Variants in GALNTL6 observed in about 807,000 individuals in gnomAD.
GALNTL6 encodes polypeptide N-acetylgalactosaminyltransferase like 6.
GALNTL6 carries 46 observed loss-of-function variants against 73.7 expected under a neutral mutation model. That is an observed-to-expected ratio of 0.62 (90% CI 0.49 to 0.80). GALNTL6 has a LOEUF of 0.80. Among genes scored for constraint, GALNTL6 ranks in the 30% least tolerant of loss-of-function variants. The pLI, the probability that GALNTL6 is intolerant of heterozygous loss-of-function variation, is 0.00. For missense variants in GALNTL6, 604 were observed against 755.0 expected (o/e 0.80, Z 2.34); for synonymous variants, 259 against 263.7 (o/e 0.98, Z 0.17).
chr4:171,925,987 A>G (rs925878029), intron 2 of GALNTL6, among the ~76,000 whole-genome samples: 12 of 146,014 alleles, frequency 8.2e-5, no homozygotes, highest in African/African-American at 2.9e-4. Flanking sequence ...ATTATGAGGC[A>G]TCTGAAATTT....
chr4:172,604,057 T>C (rs1738168303), intron 5 of GALNTL6, among the ~76,000 whole-genome samples: 1 of 152,200 alleles, frequency 6.6e-6, no homozygotes, highest in African/African-American at 2.4e-5. Flanking sequence ...AGCAAAACTC[T>C]TGCCCTGCTG....
chr4:172,127,465 G>C (rs1733335263), intron 2 of GALNTL6, among the ~76,000 whole-genome samples: 1 of 152,224 alleles, frequency 6.6e-6, no homozygotes, highest in African/African-American at 2.4e-5. Context: ...CACCAGCACA[G>C]ACCACTTGGG....
rs140896065 is a variant in GALNTL6 at position 172,205,308 on chromosome 4, G to A, written c.139-24348G>A. ...GAAAAATTCCATAATAGCAAATTTA[G>A]TATAGAAAAGTCTCCAAATGAAAGC... On this transcript the variant is annotated intron_variant, in intron 2 of 12. Transcript: ENST00000506823. Among the ~76,000 whole-genome samples the A allele has an allele frequency of 4.5e-4, 69 of 152,296 alleles. No homozygotes were observed. The East Asian group carries it at 0.011, about 25-fold the overall frequency.
At chr4:171,981,781 G>A (rs1281461303) in intron 2 of GALNTL6, among the ~76,000 whole-genome samples, 1 of 151,432 alleles carries the variant, frequency 6.6e-6, no homozygotes. Context: ...TTTAAATTTA[G>A]CAAAGAATTC....
Position 172,711,914 on chromosome 4 carries a change from A to G in GALNTL6, c.554-97447A>G, listed in dbSNP as rs111630281. Among the ~76,000 whole-genome samples the G allele has an allele frequency of 7.8e-4, 119 of 152,286 alleles. 1 individual carries two copies. Among genetic ancestry groups the G allele is most frequent in the African/African-American group, 2.6e-3 (110 of 41,564 alleles). On this transcript the variant is annotated intron_variant, in intron 5 of 12. Coordinates refer to ENST00000506823, the MANE Select transcript of GALNTL6 (RefSeq NM_001034845.3). The stretch of plus-strand genomic sequence containing the variant: ...AGGTCAGGAAGATGAGGAGGAAGCA[A>G]AGGGGCAGGAGCAAGAGCAGCAAGG...
intron 2 of GALNTL6, among the ~76,000 whole-genome samples, chr4:171,956,668 C>A (rs930816590): frequency 6.6e-6 from 1 of 151,538 alleles, no homozygotes; most frequent in African/African-American, 2.4e-5. Flanking sequence ...AAATTAAATT[C>A]TTTATCAGTT....
At chr4:172,926,707 A>G (rs1748080484) in intron 8 of GALNTL6, among the ~76,000 whole-genome samples, 1 of 152,184 alleles carries the variant, frequency 6.6e-6, no homozygotes, top group Non-Finnish European at 1.5e-5. Flanking sequence ...TTGCCTTGAC[A>G]TTTGCTTATC....
At position 172,401,446 on chromosome 4, in the gene GALNTL6, G is replaced by T. The variant is rs562570913; in HGVS notation, c.553+52757G>T. On this transcript the variant is annotated intron_variant, in intron 5 of 12. Coordinates refer to ENST00000506823, the MANE Select transcript of GALNTL6 (RefSeq NM_001034845.3). The stretch of plus-strand genomic sequence containing the variant: ...TTTTCAAGGTGTTAGATTTGTTATG[G>T]TCATTTCTATATAGGTTAAATCTCA... Among the ~76,000 whole-genome samples the T allele has an allele frequency of 3.9e-5, 6 of 152,096 alleles. No homozygotes were observed. In the South Asian group the frequency reaches 6.2e-4, roughly 16 times the overall value.
chr4:172,083,298 T>A (rs1731934661), intron 2 of GALNTL6, among the ~76,000 whole-genome samples: 1 of 152,184 alleles, frequency 6.6e-6, no homozygotes, highest in South Asian at 2.1e-4. Flanking sequence ...AAGAGACTGA[T>A]CCTTTTTATA....
chr4:172,086,884 C>T lies in GALNTL6; in HGVS notation c.139-142772C>T, dbSNP rs527843039. 3.3e-5 allele frequency among the ~76,000 whole-genome samples: 5 copies of T among 152,098 alleles called. No individual in the cohort carries two copies. The South Asian group carries it at 8.3e-4, about 25-fold the overall frequency. ...GGGTATTTATTTAACTAAAAATATT[C>T]GGAAATTTTACTTCTTAAATATTAA... On this transcript the variant is annotated intron_variant, in intron 2 of 12. Transcript: ENST00000506823.
chr4:172,213,069 G>A (rs538058874), intron 2 of GALNTL6, among the ~76,000 whole-genome samples: 2 of 150,184 alleles, frequency 1.3e-5, no homozygotes, highest in Non-Finnish European at 3.0e-5. Flanking sequence ...GGCTTCTCAC[G>A]CCAGAAAAAA....
intron 2 of GALNTL6, among the ~76,000 whole-genome samples, chr4:172,003,814 A>C (rs1188598331): frequency 6.6e-6 from 1 of 152,120 alleles, no homozygotes; most frequent in East Asian, 1.9e-4. Flanking sequence ...ATGGCTAATC[A>C]AAAGAAGGTC....
chr4:172,137,700 A>G (rs1445775605), intron 2 of GALNTL6, among the ~76,000 whole-genome samples: 1 of 152,192 alleles, frequency 6.6e-6, no homozygotes, highest in Admixed American at 6.5e-5. Flanking sequence ...AATGGATTCA[A>G]TGTGTTCTGT....
At chr4:172,909,558 G>A (rs1747088524) in intron 8 of GALNTL6, among the ~76,000 whole-genome samples, 1 of 151,890 alleles carries the variant, frequency 6.6e-6, no homozygotes, top group South Asian at 2.1e-4. Context: ...ATTATGATAA[G>A]AAAAATGTGA....
chr4:171,839,902 T>A (rs1305529349), intron 2 of GALNTL6, among the ~76,000 whole-genome samples: 3 of 152,166 alleles, frequency 2.0e-5, no homozygotes, highest in Admixed American at 2.0e-4. Flanking sequence ...TTTTGCATCA[T>A]TTAAATGTAT....
At position 172,336,700 on chromosome 4, in the gene GALNTL6, C is replaced by T. The variant is rs1240568772; in HGVS notation, c.387-11823C>T. Among the ~76,000 whole-genome samples the T allele has an allele frequency of 1.4e-4, 21 of 152,050 alleles. 1 individual carries two copies. Among genetic ancestry groups the T allele is most frequent in the Admixed American group, 4.6e-4 (7 of 15,276 alleles). On this transcript the variant is annotated intron_variant, in intron 4 of 12. Transcript: ENST00000506823. ...TCTTGGAATATGTTCTGCATGCAGA[C>T]GAGAAAAATGTGTATTCTGTGGTTG... is the stretch of plus-strand genomic sequence containing the variant.
chr4:171,870,354 A>C (rs1736103547), intron 2 of GALNTL6, among the ~76,000 whole-genome samples: 1 of 152,192 alleles, frequency 6.6e-6, no homozygotes, highest in South Asian at 2.1e-4. Context: ...TAGAACACAA[A>C]GAGGCCTCTT....
At chr4:172,789,842 T>C (rs1315987901) in intron 5 of GALNTL6, among the ~76,000 whole-genome samples, 1 of 152,178 alleles carries the variant, frequency 6.6e-6, no homozygotes, top group African/African-American at 2.4e-5. Flanking sequence ...AAAGATTCTG[T>C]TTCCTAAGGC....
At chr4:172,188,485 A>T (rs2202281) in intron 2 of GALNTL6, among the ~76,000 whole-genome samples, 31 of 152,066 alleles carry the variant, frequency 2.0e-4, no homozygotes. Flanking sequence ...AACAAAAGTG[A>T]CACGGTGTCT....
Sources: allele counts gnomAD v4.1 joint callset (sites outside exome capture counted in the v4.1 genomes callset), GRCh38; gene constraint gnomAD v4.1.1; transcripts MANE v1.5; gene names NCBI Gene and HGNC (gene_info 2026-07-23, HGNC 2026-07-21).